Variants in RAB3C observed in about 807,000 individuals in gnomAD.
RAB3C encodes RAB3C, member RAS oncogene family.
RAB3C carries 17 observed loss-of-function variants against 26.4 expected under a neutral mutation model. That is an observed-to-expected ratio of 0.64 (90% confidence interval 0.44 to 0.97). The LOEUF is 0.97. RAB3C is among the 50% of genes least tolerant of loss of function. The probability of loss-of-function intolerance (pLI) is 0.00; values close to 1 mark genes in which losing one functional copy is unlikely to be tolerated. For synonymous variants in RAB3C, 91 were observed against 95.9 expected, an observed-to-expected ratio of 0.95 and a Z score of 0.30; for missense variants, 242 against 281.9, an observed-to-expected ratio of 0.86 and a Z score of 1.01.
At position 58,809,385 on chromosome 5, in the gene RAB3C, GAAAA is replaced by G. The variant is rs34954956; in HGVS notation, c.372-15638_372-15635del. 3.6e-4 allele frequency among the ~76,000 whole-genome samples: 41 copies of G among 115,014 alleles called. 1 individual carries two copies. Among genetic ancestry groups the G allele is most frequent in the African/African-American group, 1.2e-3 (39 of 31,674 alleles). The allele number at this position is 115,014 out of a possible 152,430, so 75.5% of individuals were successfully genotyped here. On this transcript the variant is annotated intron_variant, in intron 3 of 4. Transcript: ENST00000282878. ...CTGGTTTTGAAAGCTCTTTTTCTCAGAAAAAAAAAAAAAAAAAACCTTAGCAGAG... is the reference window on the plus strand; with the variant it reads ...CTGGTTTTGAAAGCTCTTTTTCTCAGAAAAAAAAAAAAAACCTTAGCAGAG...
intron 2 of RAB3C, among the ~76,000 whole-genome samples, chr5:58,717,578 C>T (rs1421892453): frequency 6.6e-6 from 1 of 152,064 alleles, no homozygotes; most frequent in Non-Finnish European, 1.5e-5. Context: ...GCTCAGATTC[C>T]TTCTCTTTTA....
intron 4 of RAB3C, among the ~76,000 whole-genome samples, chr5:58,825,466 T>C (rs1021500668): frequency 3.3e-5 from 5 of 152,220 alleles, no homozygotes; most frequent in African/African-American, 4.8e-5. Context: ...TTTGGTTTTT[T>C]TCCCCCATAC....
intron 3 of RAB3C, among the ~76,000 whole-genome samples, chr5:58,763,648 C>T (rs1172952374): frequency 6.6e-6 from 1 of 152,202 alleles, no homozygotes; most frequent in African/African-American, 2.4e-5. Context: ...GCTTACCACT[C>T]TTTCCACTCC....
intron 3 of RAB3C, among the ~76,000 whole-genome samples, chr5:58,765,732 A>C (rs1378774078): frequency 2.6e-5 from 4 of 152,210 alleles, no homozygotes; most frequent in Non-Finnish European, 4.4e-5. Flanking sequence ...CTAATCCGTC[A>C]CATTGATATA....
At chr5:58,615,428 A>G (rs1746803047) in intron 1 of RAB3C, among the ~76,000 whole-genome samples, 1 of 152,168 alleles carries the variant, frequency 6.6e-6, no homozygotes, top group South Asian at 2.1e-4. Flanking sequence ...AGCAGCTCAT[A>G]TAGGAGAGGA....
chr5:58,765,786 C>A (rs1284577644), intron 3 of RAB3C, among the ~76,000 whole-genome samples: 1 of 151,888 alleles, frequency 6.6e-6, no homozygotes, highest in African/African-American at 2.4e-5. Context: ...GATTTGTGTC[C>A]CCGCCCAAAT....
chr5:58,828,378 A>G (rs915883972), intron 4 of RAB3C, among the ~76,000 whole-genome samples: 1 of 151,866 alleles, frequency 6.6e-6, no homozygotes, highest in Non-Finnish European at 1.5e-5. Context: ...CTCTCTGTTC[A>G]TCTCCTCCCT....
chr5:58,621,184 G>C (rs1315761394), intron 2 of RAB3C, among the ~76,000 whole-genome samples: 3 of 152,114 alleles, frequency 2.0e-5, no homozygotes, highest in Non-Finnish European at 2.9e-5. Context: ...ATATTTCAAA[G>C]AAAAGAGGCA....
chr5:58,817,104 C>G (rs1743234259), intron 3 of RAB3C: 2 of 152,178 alleles, frequency 1.3e-5, no homozygotes, highest in Non-Finnish European at 2.9e-5. Flanking sequence ...ATTCCATTGG[C>G]CAGATCCAAA....
At chr5:58,727,266 C>A (rs1322760975) in intron 3 of RAB3C, among the ~76,000 whole-genome samples, 1 of 151,614 alleles carries the variant, frequency 6.6e-6, no homozygotes, top group African/African-American at 2.4e-5. Flanking sequence ...TCTAGGAAGA[C>A]TTCTTATTTA....
At chr5:58,796,984 T>TACACACAC (rs368267920) in intron 3 of RAB3C, among the ~76,000 whole-genome samples, 61,845 of 148,396 alleles carry the variant, frequency 0.42, 14,203 homozygotes, top group South Asian at 0.54. Context: ...TCTGACCCAC[T>TACACACAC]ACACACACAC....
intron 4 of RAB3C, among the ~76,000 whole-genome samples, chr5:58,825,546 G>A (rs751784461): frequency 6.6e-6 from 1 of 152,056 alleles, no homozygotes; most frequent in South Asian, 2.1e-4. Flanking sequence ...ATTGGAGGAG[G>A]ATAATGGCAC....
chr5:58,753,104 C>A (rs1741570070), intron 3 of RAB3C, among the ~76,000 whole-genome samples: 1 of 152,026 alleles, frequency 6.6e-6, no homozygotes, highest in African/African-American at 2.4e-5. Flanking sequence ...CATAAATATT[C>A]ATTGAATCAA....
At chr5:58,756,257 C>T (rs929327987) in intron 3 of RAB3C, among the ~76,000 whole-genome samples, 121 of 148,362 alleles carry the variant, frequency 8.2e-4, no homozygotes, top group Admixed American at 4.7e-3. Context: ...TGGCCCTTTA[C>T]GCCAAACATC....
chr5:58,763,690 T>C (rs1741841206), intron 3 of RAB3C, among the ~76,000 whole-genome samples: 1 of 152,212 alleles, frequency 6.6e-6, no homozygotes, highest in Non-Finnish European at 1.5e-5. Flanking sequence ...TTCCCTGGTT[T>C]GCAAGATAGA....
At chr5:58,623,648 C>T (rs1746980733) in intron 2 of RAB3C, among the ~76,000 whole-genome samples, 1 of 152,234 alleles carries the variant, frequency 6.6e-6, no homozygotes, top group Non-Finnish European at 1.5e-5. Context: ...CTCCTACATC[C>T]CACTGTGTTT....
At chr5:58,776,807 A>C (rs1477071564) in intron 3 of RAB3C, among the ~76,000 whole-genome samples, 1 of 152,120 alleles carries the variant, frequency 6.6e-6, no homozygotes, top group Non-Finnish European at 1.5e-5. Context: ...AATTCCTTCC[A>C]TCCTGTGATG....
intron 3 of RAB3C, among the ~76,000 whole-genome samples, chr5:58,809,908 T>C (rs1743031737): frequency 1.3e-5 from 2 of 152,218 alleles, no homozygotes; most frequent in East Asian, 1.9e-4. Flanking sequence ...TGCAAACTAG[T>C]AGACAGCTAG....
At chr5:58,829,060 C>G (rs993850108) in intron 4 of RAB3C, among the ~76,000 whole-genome samples, 4 of 151,776 alleles carry the variant, frequency 2.6e-5, no homozygotes, top group African/African-American at 7.3e-5. Flanking sequence ...CGTGCCACCA[C>G]GCCCGGCTAC....
Sources: gnomAD v4.1 joint callset for allele counts (sites outside exome capture counted in the v4.1 genomes callset) on GRCh38, gnomAD v4.1.1 for gene constraint, MANE v1.5 for transcripts, NCBI Gene and HGNC (gene_info 2026-07-23, HGNC 2026-07-21) for gene names.